The following TTLL1 variants were observed in gnomAD, a reference collection of about 807,000 sequenced individuals.
The protein encoded by TTLL1 is polyglutamylase complex subunit TTLL1.
A neutral mutation model predicts 47.8 loss-of-function variants in TTLL1; 33 were observed. That is an observed-to-expected ratio of 0.69 (90% CI 0.52 to 0.92). The LOEUF (loss-of-function observed/expected upper bound fraction) is 0.92, where lower values mean the gene tolerates loss of function less well. TTLL1 is among the 40% of genes least tolerant of loss of function. The probability of loss-of-function intolerance (pLI) is 0.00; values close to 1 mark genes in which losing one functional copy is unlikely to be tolerated. For synonymous variants in TTLL1, 225 were observed against 214.1 expected, an observed-to-expected ratio of 1.05 and a Z score of -0.45; for missense variants, 488 against 547.5, an observed-to-expected ratio of 0.89 and a Z score of 1.08.
Position 43,068,829 on chromosome 22 carries a change from G to A in TTLL1, c.323-239C>T, listed in dbSNP as rs373825125. ...TTTTTCAATCCCCACGGCCACCTGG[G>A]AGCTACTGTAAACCCTGTAATAATT... On this transcript the variant is annotated intron_variant, in intron 4 of 10. Transcript: ENST00000266254. Among the ~76,000 whole-genome samples, 9 of 152,272 alleles carry A rather than the reference G, an allele frequency of 5.9e-5. No homozygotes were observed. The South Asian group carries it at 6.2e-4, about 11-fold the overall frequency.
Position 43,046,498 on chromosome 22 carries a change from G to A in TTLL1, c.1054C>T (p.Leu352Phe). Residue 352 changes from leucine (L) to phenylalanine (F), a missense_variant, in exon 10 of 11, where the codon CTC becomes TTC. Leu to Phe is a conservative substitution (Grantham distance 22, BLOSUM62 0). Transcript: ENST00000266254. ...ILKYNLINDT[L>F]NIAVPNGEIP... is the part of the protein sequence containing the mutation. ...TCACCATTCGGGACGGCGATGTTGA[G>A]GGTGTCATTAATCAGGTTGTACTTG... is the stretch of plus-strand genomic sequence containing the variant. 6.2e-7 allele frequency: 1 copy of A among 1,614,134 alleles called. No individual in the cohort carries two copies.
intron 3 of TTLL1, among the ~76,000 whole-genome samples, chr22:43,073,821 A>AT (rs1928294089): frequency 6.9e-6 from 1 of 144,852 alleles, no homozygotes; most frequent in African/African-American, 2.6e-5. Context: ...TTTTTTATTT[A>AT]TTTATTTATT....
chr22:43,061,952 G>A (rs1223076433), intron 7 of TTLL1, among the ~76,000 whole-genome samples: 1 of 152,168 alleles, frequency 6.6e-6, no homozygotes, highest in Admixed American at 6.6e-5. Flanking sequence ...CTAGATGTGT[G>A]TTCCTCACTT....
At chr22:43,067,077 C>A (rs2146978522) in intron 5 of TTLL1, among the ~76,000 whole-genome samples, 2 of 152,304 alleles carry the variant, frequency 1.3e-5, no homozygotes, top group East Asian at 3.9e-4. Flanking sequence ...CATCTCCCCA[C>A]TGGAAAAGGA....
At chr22:43,067,957 C>T (rs1927847652) in intron 5 of TTLL1, among the ~76,000 whole-genome samples, 1 of 148,754 alleles carries the variant, frequency 6.7e-6, no homozygotes, top group Non-Finnish European at 1.5e-5. Flanking sequence ...GCACCTGCCA[C>T]CTCACCTGGC....
rs184534251 is a variant in TTLL1 at position 43,046,863 on chromosome 22, G to A, written c.979-290C>T. ...TTTTTGTATTTTTATTAGAGATGGGGTTTCACCATATTGACCAGGCTGGTC... is the reference window on the plus strand; with the variant it reads ...TTTTTGTATTTTTATTAGAGATGGGATTTCACCATATTGACCAGGCTGGTC... On this transcript the variant is annotated intron_variant, in intron 9 of 10. Coordinates refer to ENST00000266254, the MANE Select transcript of TTLL1 (RefSeq NM_012263.5). Among the ~76,000 whole-genome samples the A allele has an allele frequency of 2.6e-3, 393 of 152,134 alleles. 3 individuals carry two copies. The highest frequency in any genetic ancestry group is 8.9e-3 in the African/African-American group (369 of 41,478).
intron 8 of TTLL1, 33 bp downstream of exon 8, chr22:43,059,351 G>A (rs1431893085): frequency 1.3e-6 from 2 of 1,589,364 alleles, no homozygotes; most frequent in East Asian, 4.6e-5. Context: ...AACGGGCCCT[G>A]GGAGCCGGCT....
intron 8 of TTLL1, among the ~76,000 whole-genome samples, chr22:43,053,361 G>A (rs902977448): frequency 6.6e-6 from 1 of 152,186 alleles, no homozygotes; most frequent in African/African-American, 2.4e-5. Context: ...GGAGGCTCTT[G>A]GCTGCCTCCT....
In TTLL1 at chr22:43,039,725, TC is replaced by T; in HGVS notation, c.*50del. On this transcript the variant is annotated 3_prime_UTR_variant, in exon 11 of 11. Coordinates refer to ENST00000266254, the MANE Select transcript of TTLL1 (RefSeq NM_012263.5). ...AAAAGGGAAATTTCAAAATAGGGCT[TC>T]AGCAGGGGCCCAGGTGGAGTGAGTA... is the stretch of plus-strand genomic sequence containing the variant. The T allele has an allele frequency of 6.6e-7, 1 of 1,512,804 alleles. No homozygotes were observed. The highest frequency in any genetic ancestry group is 2.3e-5 in the Admixed American group (1 of 43,900). 93.7% of individuals were successfully genotyped at this position (1,512,804 alleles called of 1,614,324 possible).
intron 10 of TTLL1, 107 bp from the exon 11 acceptor site, chr22:43,040,012 T>G: frequency 6.7e-7 from 1 of 1,488,706 alleles, no homozygotes; most frequent in South Asian, 1.3e-5. Flanking sequence ...AGAAGCGGCC[T>G]GAGGGGGCCC....
In TTLL1 at chr22:43,064,966, T is replaced by G. The variant is rs139405166; in HGVS notation, c.504-642A>C. On this transcript the variant is annotated intron_variant, in intron 5 of 10. Transcript: ENST00000266254. ...TTCGAGACCAGCCTGGCCAACATGG[T>G]GAAACCCTGTCTCTACTAAAAATAC... Among the ~76,000 whole-genome samples the G allele has an allele frequency of 3.5e-3, 531 of 152,008 alleles. 1 individual carries two copies. Among genetic ancestry groups the G allele is most frequent in the African/African-American group, 0.012 (509 of 41,504 alleles).
chr22:43,060,915 T>C (rs992997662), intron 7 of TTLL1, among the ~76,000 whole-genome samples: 5 of 152,200 alleles, frequency 3.3e-5, no homozygotes, highest in Admixed American at 6.5e-5. Flanking sequence ...TAAAAGAAAG[T>C]CCAGGCGCGG....
intron 5 of TTLL1, among the ~76,000 whole-genome samples, chr22:43,067,430 A>G (rs545199401): frequency 6.6e-6 from 1 of 152,224 alleles, no homozygotes; most frequent in African/African-American, 2.4e-5. Flanking sequence ...TAGGGCCACG[A>G]GTCCCAGGAC....
chr22:43,076,642 T>C (rs1928516683), intron 2 of TTLL1, among the ~76,000 whole-genome samples: 1 of 151,192 alleles, frequency 6.6e-6, no homozygotes, highest in Non-Finnish European at 1.5e-5. Flanking sequence ...TCCCAGCTAC[T>C]CGGGAGGCTG....
At chr22:43,082,994 AC>A (rs1483710034) in intron 1 of TTLL1, among the ~76,000 whole-genome samples, 1 of 151,258 alleles carries the variant, frequency 6.6e-6, no homozygotes, top group Non-Finnish European at 1.5e-5. Context: ...AGCCTTGGTG[AC>A]AAGAACAAAA....
chr22:43,074,590 C>G (rs1157423254), intron 3 of TTLL1, among the ~76,000 whole-genome samples: 1 of 151,926 alleles, frequency 6.6e-6, no homozygotes, highest in Non-Finnish European at 1.5e-5. Context: ...CCTGTAATCC[C>G]AACACTTTGG....
At chr22:43,081,267 T>C (rs559565945) in intron 1 of TTLL1, among the ~76,000 whole-genome samples, 1 of 151,876 alleles carries the variant, frequency 6.6e-6, no homozygotes, top group South Asian at 2.1e-4. Context: ...AAGCCCCCCA[T>C]CCATCCTGCC....
In TTLL1 at chr22:43,076,627, T is replaced by A. The variant is rs553670671; in HGVS notation, c.-4-1037A>T. 1.9e-4 allele frequency among the ~76,000 whole-genome samples: 29 copies of A among 150,686 alleles called. 1 individual carries two copies. In the South Asian group the frequency reaches 5.9e-3, roughly 31 times the overall value. Reference sequence around the variant, plus strand: ...TTAGCCAGGCATGGTGGCATGCGCCTGTAATCCCAGCTACTCGGGAGGCTG... The same window carrying A: ...TTAGCCAGGCATGGTGGCATGCGCCAGTAATCCCAGCTACTCGGGAGGCTG... On this transcript the variant is annotated intron_variant, in intron 2 of 10. Transcript: ENST00000266254.
rs891551408 is a variant in TTLL1 at position 43,064,463 on chromosome 22, C to T, written c.504-139G>A. On this transcript the variant is annotated intron_variant, in intron 5 of 10. Coordinates refer to ENST00000266254, the MANE Select transcript of TTLL1 (RefSeq NM_012263.5). ...AGTTTTGGCTGGGCGCGGTGGCTCA[C>T]GCCTGTAATCCCAGCACTTTGGGAG... 4.6e-5 allele frequency: 45 copies of T among 974,600 alleles called. No individual in the cohort carries two copies. In the African/African-American group the frequency reaches 6.1e-4, roughly 13 times the overall value. The allele number at this position is 974,600 out of a possible 1,614,324, so 60.4% of individuals were successfully genotyped here.
Sources: gnomAD v4.1 joint callset for allele counts (sites outside exome capture counted in the v4.1 genomes callset) on GRCh38, gnomAD v4.1.1 for gene constraint, MANE v1.5 for transcripts, NCBI Gene and HGNC (gene_info 2026-07-23, HGNC 2026-07-21) for gene names.